The following S100A6 variants were observed in gnomAD, a reference collection of about 807,000 sequenced individuals.
S100A6 encodes the protein protein S100-A6.
In S100A6, 3 loss-of-function variants were observed where a neutral mutation model predicts 3.5. The ratio of observed to expected loss-of-function variants is 0.87; its 90% CI spans 0.39 to 2.24. The LOEUF is 2.24. S100A6 is among the 30% of genes most tolerant of loss of function. The pLI is 0.05. For synonymous variants in S100A6, 48 were observed against 45.2 expected, an observed-to-expected ratio of 1.06 and a Z score of -0.25; for missense variants, 114 against 105.3, an observed-to-expected ratio of 1.08 and a Z score of -0.36.
chr1:153,535,448 C>T (rs1298782932), intron 1 of S100A6, 88 bp from the exon 2 acceptor site: 1 of 1,379,040 alleles, frequency 7.3e-7, no homozygotes, highest in African/African-American at 1.4e-5. Context: ...AGCCCCGCCT[C>T]CTTTGGAACC....
chr1:153,535,033 A>C (rs1053161614), intron 2 of S100A6, 169 bp downstream of exon 2: 51 of 1,125,848 alleles, frequency 4.5e-5, no homozygotes, highest in Non-Finnish European at 6.1e-5. Context: ...GGCTGGAAGC[A>C]TCCCCTACCC....
intron 1 of S100A6, 39 bp from the exon 2 acceptor site, chr1:153,535,399 G>T: frequency 6.3e-7 from 1 of 1,597,578 alleles, no homozygotes; most frequent in Non-Finnish European, 8.5e-7. Flanking sequence ...TGGGAGCAAG[G>T]ACTTCTCACC....
rs761058518 is a variant in S100A6, at chr1:153,535,360, G to T, written c.-21C>A. Reference sequence around the variant, plus strand: ...GCCATGGCTGAGGGCTGGGCTTGGAGCTGGCAGCAGAGGGCCTAGTCAGTG... The same window carrying T: ...GCCATGGCTGAGGGCTGGGCTTGGATCTGGCAGCAGAGGGCCTAGTCAGTG... On this transcript the variant is annotated splice_region_variant and 5_prime_UTR_variant, in exon 2 of 3. Transcript: ENST00000368719. 2 of 1,613,222 alleles carry T rather than the reference G, an allele frequency of 1.2e-6. No homozygotes were observed. Among genetic ancestry groups the T allele is most frequent in the East Asian group, 4.5e-5 (2 of 44,874 alleles).
intron 2 of S100A6, 185 bp from the exon 3 acceptor site, chr1:153,535,015 G>T (rs1665140392): frequency 1.8e-6 from 2 of 1,096,032 alleles, no homozygotes; most frequent in Admixed American, 2.6e-5. Context: ...TTGGAGAGAT[G>T]GATATCCGGC....
In S100A6 at chr1:153,534,637, C is replaced by T. The variant is rs1665129406; in HGVS notation, c.*59G>A. The T allele has an allele frequency of 1.3e-6, 2 of 1,494,880 alleles. No homozygotes were observed. Among genetic ancestry groups the T allele is most frequent in the Admixed American group, 4.8e-5 (2 of 41,766 alleles). The allele number at this position is 1,494,880 out of a possible 1,614,324, so 92.6% of individuals were successfully genotyped here. On this transcript the variant is annotated 3_prime_UTR_variant, in exon 3 of 3. Coordinates refer to ENST00000368719, the MANE Select transcript of S100A6 (RefSeq NM_014624.4). ...AAAAAATTTATTGTACAATTACCCACCACTGGATTTGACTCAGAGAGGACC... is the reference window on the plus strand; with the variant it reads ...AAAAAATTTATTGTACAATTACCCATCACTGGATTTGACTCAGAGAGGACC...
At position 153,534,608 on chromosome 1, in the gene S100A6, C is replaced by G. The variant is rs1665128391; in HGVS notation, c.*88G>C. On this transcript the variant is annotated 3_prime_UTR_variant, in exon 3 of 3. Coordinates refer to ENST00000368719, the MANE Select transcript of S100A6 (RefSeq NM_014624.4). ...AGCCAGGACGCAAGGGTAAATTTGA[C>G]CAAAAAAAATTTATTGTACAATTAC... 7.1e-7 allele frequency: 1 copy of G among 1,404,418 alleles called. No homozygotes were observed. Among genetic ancestry groups the G allele is most frequent in the Non-Finnish European group, 9.5e-7 (1 of 1,053,594 alleles). 87.0% of individuals were successfully genotyped at this position (1,404,418 alleles called of 1,614,324 possible). A position where few individuals can be genotyped will look rare whatever the true frequency, so the allele number is the denominator to read the frequency against.
In S100A6 at chr1:153,535,225, G is replaced by C. The variant is rs1665147691; in HGVS notation, c.115C>G (p.Gln39Glu). 6.2e-7 allele frequency: 1 copy of C among 1,614,012 alleles called. No individual in the cohort carries two copies. Among genetic ancestry groups the C allele is most frequent in the Admixed American group, 1.7e-5 (1 of 59,996 alleles). Reference protein sequence around the residue: ...LSKKELKELIQKELTIGSKLQ... With the variant: ...LSKKELKELIEKELTIGSKLQ... ...ACCGAGCCAATGGTGAGCTCCTTCT[G>C]GATCAGCTCCTTCAGCTCCTTCTTG... The change falls in exon 2 of 3, where the codon CAG (glutamine) becomes GAG (glutamate). Residue 39 changes from glutamine (Q) to glutamate (E), a missense_variant. Gln to Glu is a conservative substitution (Grantham distance 29, BLOSUM62 2). Coordinates refer to ENST00000368719, the MANE Select transcript of S100A6 (RefSeq NM_014624.4).
rs975363001 is a variant in S100A6 at position 153,535,184 on chromosome 1, G to A, written c.138+18C>T. On this transcript the variant is annotated intron_variant, in intron 2 of 2. Coordinates refer to ENST00000368719, the MANE Select transcript of S100A6 (RefSeq NM_014624.4). ...GGACAAGGGTGGGAAAAGGGGTCCT[G>A]GGGAGGAGGCCACTCACCGAGCCAA... 1.2e-6 allele frequency: 2 copies of A among 1,613,966 alleles called. No individual in the cohort carries two copies. Among genetic ancestry groups the A allele is most frequent in the Non-Finnish European group, 1.7e-6 (2 of 1,179,898 alleles).
Position 153,535,357 on chromosome 1 carries a change from G to T in S100A6, c.-18C>A, listed in dbSNP as rs370256576. 2.5e-6 allele frequency: 4 copies of T among 1,613,348 alleles called. No homozygotes were observed. Among genetic ancestry groups the T allele is most frequent in the Non-Finnish European group, 3.4e-6 (4 of 1,179,770 alleles). On this transcript the variant is annotated 5_prime_UTR_variant, in exon 2 of 3. Coordinates refer to ENST00000368719, the MANE Select transcript of S100A6 (RefSeq NM_014624.4). ...CATGCCATGGCTGAGGGCTGGGCTTGGAGCTGGCAGCAGAGGGCCTAGTCA... is the reference window on the plus strand; with the variant it reads ...CATGCCATGGCTGAGGGCTGGGCTTTGAGCTGGCAGCAGAGGGCCTAGTCA...
At chr1:153,535,546 G>A (rs554907744) in intron 1 of S100A6, among the ~76,000 whole-genome samples, 186 bp from the exon 2 acceptor site, 1 of 152,364 alleles carries the variant, frequency 6.6e-6, no homozygotes, top group African/African-American at 2.4e-5. Context: ...CAAGGCAAGA[G>A]AGGTGGCTTA....
chr1:153,535,183 T>C lies in S100A6; in HGVS notation c.138+19A>G, dbSNP rs1174837263. On this transcript the variant is annotated intron_variant, in intron 2 of 2. Coordinates refer to ENST00000368719, the MANE Select transcript of S100A6 (RefSeq NM_014624.4). ...AGGACAAGGGTGGGAAAAGGGGTCC[T>C]GGGGAGGAGGCCACTCACCGAGCCA... is the stretch of plus-strand genomic sequence containing the variant. 1.2e-6 allele frequency: 2 copies of C among 1,613,824 alleles called. No homozygotes were observed. Among genetic ancestry groups the C allele is most frequent in the African/African-American group, 2.7e-5 (2 of 74,896 alleles).
Position 153,534,635 on chromosome 1 carries a change from C to T in S100A6, c.*61G>A, listed in dbSNP as rs1571228730. On this transcript the variant is annotated 3_prime_UTR_variant, in exon 3 of 3. Transcript: ENST00000368719. ...AAAAAAAATTTATTGTACAATTACCCACCACTGGATTTGACTCAGAGAGGA... is the reference window on the plus strand; with the variant it reads ...AAAAAAAATTTATTGTACAATTACCTACCACTGGATTTGACTCAGAGAGGA... The T allele has an allele frequency of 2.7e-6, 4 of 1,482,318 alleles. No homozygotes were observed. In the East Asian group the frequency reaches 7.5e-5, roughly 28 times the overall value. 91.8% of individuals were successfully genotyped at this position (1,482,318 alleles called of 1,614,324 possible). A position where few individuals can be genotyped will look rare whatever the true frequency, so the allele number is the denominator to read the frequency against.
intron 2 of S100A6, 92 bp from the exon 3 acceptor site, chr1:153,534,922 GGCTCTGT>G: frequency 6.7e-7 from 1 of 1,489,594 alleles, no homozygotes; most frequent in Non-Finnish European, 9.1e-7. Flanking sequence ...CTCTGCAAGT[GGCTCTGT>G]GCTCCCTCAT....
intron 2 of S100A6, 137 bp from the exon 3 acceptor site, chr1:153,534,967 TGCTTCTCCTCA>T: frequency 8.1e-7 from 1 of 1,230,544 alleles, no homozygotes; most frequent in Non-Finnish European, 1.1e-6. Context: ...ACTTTGGCAT[TGCTTCTCCTCA>T]GCTACTTCTC....
intron 2 of S100A6, 164 bp downstream of exon 2, chr1:153,535,038 C>T (rs1665141119): frequency 1.7e-6 from 2 of 1,145,148 alleles, no homozygotes; most frequent in Non-Finnish European, 2.5e-6. Flanking sequence ...GAAGCATCCC[C>T]TACCCGCTGG....
At chr1:153,535,439 G>T in intron 1 of S100A6, 79 bp from the exon 2 acceptor site, 1 of 1,456,648 alleles carries the variant, frequency 6.9e-7, no homozygotes, top group Non-Finnish European at 9.2e-7. Flanking sequence ...GCCTGCACTA[G>T]CCCCGCCTCC....
At chr1:153,535,102 G>C in intron 2 of S100A6, 100 bp downstream of exon 2, 1 of 1,516,924 alleles carries the variant, frequency 6.6e-7, no homozygotes, top group Non-Finnish European at 9.0e-7. Flanking sequence ...TCAGAATGTG[G>C]GTAAATGTGA....
chr1:153,535,118 A>G, intron 2 of S100A6, 84 bp downstream of exon 2: 2 of 1,565,572 alleles, frequency 1.3e-6, no homozygotes, highest in South Asian at 1.2e-5. Context: ...TGTGAGTCAG[A>G]TGCACCTGGC....
At chr1:153,535,519 A>G (rs1033239137) in intron 1 of S100A6, 159 bp from the exon 2 acceptor site, 1 of 758,374 alleles carries the variant, frequency 1.3e-6, no homozygotes, top group Non-Finnish European at 2.1e-6. Flanking sequence ...AAGGGGAAGG[A>G]GAGAGCACAC....
Sources: allele counts gnomAD v4.1 joint callset (sites outside exome capture counted in the v4.1 genomes callset), GRCh38; gene constraint gnomAD v4.1.1; transcripts MANE v1.5; gene names NCBI Gene and HGNC (gene_info 2026-07-23, HGNC 2026-07-21).